Variants in PCDHA1 observed in about 807,000 individuals in gnomAD.
PCDHA1 encodes protocadherin alpha-1.
A neutral mutation model predicts 61.3 loss-of-function variants in PCDHA1; 42 were observed. The observed-to-expected ratio is 0.69, with a 90% confidence interval of 0.54 to 0.89. The LOEUF (loss-of-function observed/expected upper bound fraction) is 0.89, where lower values mean the gene tolerates loss of function less well. Ranked by LOEUF, PCDHA1 falls within the 40% of genes least tolerant of loss-of-function variation. The pLI is 0.00. For synonymous variants in PCDHA1, 610 were observed against 553.8 expected, an observed-to-expected ratio of 1.10 and a Z score of -1.43; for missense variants, 1,256 against 1,235.3, an observed-to-expected ratio of 1.02 and a Z score of -0.25.
intron 1 of PCDHA1, among the ~76,000 whole-genome samples, chr5:140,954,167 CT>C (rs1366012595): frequency 2.6e-5 from 4 of 152,212 alleles, no homozygotes; most frequent in African/African-American, 9.6e-5. Context: ...ACCACATTTT[CT>C]TTATCCAGTC....
chr5:140,857,154 C>T (rs147581214), intron 1 of PCDHA1: 7 of 1,598,342 alleles, frequency 4.4e-6, no homozygotes, highest in Non-Finnish European at 6.0e-6. Flanking sequence ...ACCGTCATTG[C>T]CCTAATCAGC....
rs1163055248 is a variant in PCDHA1, at chr5:140,787,032, A to G, written c.742A>G (p.Arg248Gly). Residue 248 changes from arginine to glycine, a missense_variant, in exon 1 of 4, where the codon AGA becomes GGA. Coordinates refer to ENST00000504120, the MANE Select transcript of PCDHA1 (RefSeq NM_018900.4). ...CCCACTGTTTGACCAGGCCGTATAC[A>G]GAGTCCACTTGTTAGAGACTACAGC... ...NAPLFDQAVY[R>G]VHLLETTANG... 1.2e-6 allele frequency: 2 copies of G among 1,614,238 alleles called. No homozygotes were observed. Among genetic ancestry groups the G allele is most frequent in the Non-Finnish European group, 1.7e-6 (2 of 1,180,028 alleles).
chr5:140,808,898 G>A, intron 1 of PCDHA1: 2 of 1,613,480 alleles, frequency 1.2e-6, no homozygotes, highest in Non-Finnish European at 1.7e-6. Context: ...GCCTCGGGCG[G>A]GTGGCACTGG....
intron 1 of PCDHA1, among the ~76,000 whole-genome samples, chr5:140,932,061 T>G (rs1009983968): frequency 5.3e-5 from 8 of 152,046 alleles, no homozygotes; most frequent in African/African-American, 1.9e-4. Flanking sequence ...TACTAAAAAT[T>G]ATCAGTTTAA....
At chr5:140,841,430 G>C in intron 1 of PCDHA1, 5 of 1,612,964 alleles carry the variant, frequency 3.1e-6, no homozygotes, top group Non-Finnish European at 4.2e-6. Flanking sequence ...CTCCGTCCCC[G>C]AGGAGGCCAA....
At chr5:140,936,875 C>T (rs1052156307) in intron 1 of PCDHA1, among the ~76,000 whole-genome samples, 13 of 151,832 alleles carry the variant, frequency 8.6e-5, no homozygotes, top group Non-Finnish European at 1.5e-5. Flanking sequence ...TTTAAAAAAC[C>T]CTGCTTTGAT....
chr5:140,976,466 G>C (rs1404890940), intron 1 of PCDHA1, among the ~76,000 whole-genome samples: 1 of 152,104 alleles, frequency 6.6e-6, no homozygotes, highest in African/African-American at 2.4e-5. Flanking sequence ...AAGAAGAATT[G>C]CTTGAATCCG....
chr5:140,803,278 T>C, intron 1 of PCDHA1: 1 of 1,614,030 alleles, frequency 6.2e-7, no homozygotes, highest in South Asian at 1.1e-5. Flanking sequence ...GCTGCACTGG[T>C]GGATGTCAAC....
Position 140,869,807 on chromosome 5 carries a change from T to C in PCDHA1, c.2394+81123T>C, listed in dbSNP as rs545569437. ...CGGCTGTTAGTCCAAGTCTTGGATGTCAACGACAATGATCCAGAGTTTGAT... is the reference window on the plus strand; with the variant it reads ...CGGCTGTTAGTCCAAGTCTTGGATGCCAACGACAATGATCCAGAGTTTGAT... On this transcript the variant is annotated intron_variant, in intron 1 of 3. Transcript: ENST00000504120. 8.1e-6 allele frequency: 13 copies of C among 1,612,544 alleles called. No individual in the cohort carries two copies. In the African/African-American group the frequency reaches 1.6e-4, roughly 20 times the overall value.
intron 1 of PCDHA1, among the ~76,000 whole-genome samples, chr5:140,977,549 A>G (rs2096765562): frequency 6.6e-6 from 1 of 152,210 alleles, no homozygotes; most frequent in African/African-American, 2.4e-5. Flanking sequence ...TTGCATATGC[A>G]TATCTTGCTA....
chr5:140,968,492 G>A (rs2096250539), intron 1 of PCDHA1: 2 of 1,614,074 alleles, frequency 1.2e-6, no homozygotes, highest in African/African-American at 1.3e-5. Flanking sequence ...GAATGACCAT[G>A]CCCCTCACAT....
At chr5:140,879,878 T>C (rs1462304142) in intron 1 of PCDHA1, among the ~76,000 whole-genome samples, 1 of 152,198 alleles carries the variant, frequency 6.6e-6, no homozygotes, top group Non-Finnish European at 1.5e-5. Context: ...ATGGTCACAT[T>C]GCCTCCTCCT....
chr5:140,947,290 T>G (rs1554218137), intron 1 of PCDHA1, among the ~76,000 whole-genome samples: 2 of 151,614 alleles, frequency 1.3e-5, no homozygotes, highest in Non-Finnish European at 3.0e-5. Context: ...TTTTATTGCA[T>G]TATCTTGACA....
At chr5:140,948,563 A>AT (rs1400147953) in intron 1 of PCDHA1, among the ~76,000 whole-genome samples, 1 of 151,546 alleles carries the variant, frequency 6.6e-6, no homozygotes, top group African/African-American at 2.4e-5. Flanking sequence ...GTTAAGTTGT[A>AT]TTTTTTAAAG....
chr5:140,806,983 G>T, intron 1 of PCDHA1: 2 of 643,876 alleles, frequency 3.1e-6, no homozygotes, highest in South Asian at 2.0e-5. Flanking sequence ...ACGGTTTGGA[G>T]CCACATGATG....
intron 1 of PCDHA1, chr5:140,854,514 T>G (rs1216926538): frequency 1.3e-5 from 2 of 149,996 alleles, no homozygotes; most frequent in Non-Finnish European, 3.0e-5. Flanking sequence ...AACTGATGGA[T>G]TAAGTGACAC....
intron 1 of PCDHA1, chr5:140,876,840 G>C: frequency 6.2e-7 from 1 of 1,614,166 alleles, no homozygotes; most frequent in Non-Finnish European, 8.5e-7. Flanking sequence ...CTGCGTTCGC[G>C]CAGCCCGAGT....
At chr5:140,893,264 A>T (rs1554185566) in intron 1 of PCDHA1, among the ~76,000 whole-genome samples, 1 of 152,290 alleles carries the variant, frequency 6.6e-6, no homozygotes, top group African/African-American at 2.4e-5. Context: ...ATAAATGCCC[A>T]ATAGTGGAAT....
At chr5:140,828,466 C>T in intron 1 of PCDHA1, 2 of 1,614,242 alleles carry the variant, frequency 1.2e-6, no homozygotes, top group East Asian at 2.2e-5. Flanking sequence ...AGGTGAGGGA[C>T]ATTAACGACA....
Sources: allele counts gnomAD v4.1 joint callset (sites outside exome capture counted in the v4.1 genomes callset), GRCh38; gene constraint gnomAD v4.1.1; transcripts MANE v1.5; gene names NCBI Gene and HGNC (gene_info 2026-07-23, HGNC 2026-07-21).